Variants in EIF2AK3 observed in about 807,000 individuals in gnomAD.
The protein encoded by EIF2AK3 is eukaryotic translation initiation factor 2 alpha kinase 3.
Under a neutral mutation model 113.5 loss-of-function variants are expected in EIF2AK3, and 50 were observed. The observed-to-expected ratio is 0.44, with a 90% CI of 0.35 to 0.56. The LOEUF (loss-of-function observed/expected upper bound fraction) is 0.56. Ranked by LOEUF, EIF2AK3 falls within the 20% of genes least tolerant of loss-of-function variation. The pLI is 0.00. For missense variants in EIF2AK3, 1,185 were observed against 1,378.0 expected (o/e 0.86, Z 2.22); for synonymous variants, 448 against 495.4 (o/e 0.90, Z 1.27).
chr2:88,560,211 C>T (rs565754042), intron 15 of EIF2AK3, among the ~76,000 whole-genome samples: 20 of 152,192 alleles, frequency 1.3e-4, no homozygotes, highest in Admixed American at 5.2e-4. Context: ...TAATGCCCAA[C>T]GATGTTGAGC....
In EIF2AK3 at chr2:88,575,288, C is replaced by T. The variant is rs1674427760; in HGVS notation, c.2195G>A (p.Ser732Asn). Reference sequence around the variant, plus strand: ...TGGTGAGAACTGGCTCTCAGATGAACTTGTCTGGTCACAGGAAATCCCTAC... The same window carrying T: ...TGGTGAGAACTGGCTCTCAGATGAATTTGTCTGGTCACAGGAAATCCCTAC... ...FSVGISCDQT[S>N]SSESQFSPLE... The change falls in exon 13 of 17, where the codon AGT becomes AAT. Residue 732 changes from serine to asparagine, a missense_variant. By Grantham distance (46) the Ser-to-Asn change is conservative. Around this residue, in one of 3 missense-constraint regions of EIF2AK3, gnomAD observed 877 missense variants for 1,024.2 expected, o/e 0.86. Transcript: ENST00000303236. 1.2e-6 allele frequency: 2 copies of T among 1,614,050 alleles called. No individual in the cohort carries two copies. The highest frequency in any genetic ancestry group is 2.7e-5 in the African/African-American group (2 of 74,928).
At position 88,627,151 on chromosome 2, in the gene EIF2AK3, CCGCCGTCGG is replaced by C; in HGVS notation, c.115_123del (p.Pro39_Ala41del). 1 of 1,435,278 alleles carries C rather than the reference CCGCCGTCGG, an allele frequency of 7.0e-7. No individual in the cohort carries two copies. The highest frequency in any genetic ancestry group is 9.1e-7 in the Non-Finnish European group (1 of 1,102,226). The allele number at this position is 1,435,278 out of a possible 1,614,324, so 88.9% of individuals were successfully genotyped here. On this transcript the variant is annotated inframe_deletion, in exon 1 of 17. Coordinates refer to ENST00000303236, the MANE Select transcript of EIF2AK3 (RefSeq NM_004836.7). The stretch of plus-strand genomic sequence containing the variant: ...GCCGCCCCGAGGCCGAACGCCGCCT[CCGCCGTCGG>C]CGCTGGGAGGCCACGGGCGCGCCCC...
rs949513308 is a variant in EIF2AK3 at position 88,592,146 on chromosome 2, T to TA, written c.768-1095dup. On this transcript the variant is annotated intron_variant, in intron 4 of 16. Transcript: ENST00000303236. ...CAATTTAAAACTTAAATATTAGGTT[T>TA]AAAAAAAATCAAGCATTTGATGTAG... Among the ~76,000 whole-genome samples, 34 of 152,158 alleles carry TA rather than the reference T, an allele frequency of 2.2e-4. 1 individual carries two copies. The East Asian group carries it at 3.3e-3, about 15-fold the overall frequency.
rs1674417154 is a variant in EIF2AK3 at position 88,575,002 on chromosome 2, C to A, written c.2481G>T (p.Leu827Phe). 1 of 1,614,060 alleles carries A rather than the reference C, an allele frequency of 6.2e-7. No individual in the cohort carries two copies. Among genetic ancestry groups the A allele is most frequent in the Non-Finnish European group, 8.5e-7 (1 of 1,180,044 alleles). ...SSKEEPKTNR[L>F]HIGNHCANKL... ...TATTAGCACAATGGTTGCCAATATG[C>A]AATCGATTAGTTTTCGGCTCTTCTT... Residue 827 changes from leucine to phenylalanine, a missense_variant, in exon 13 of 17, where the codon TTG becomes TTT. Physicochemically the swap from Leu to Phe is conservative, Grantham distance 22. This residue lies in a region of EIF2AK3 where 877 missense variants were observed against 1,024.2 expected (regional missense o/e 0.86). Transcript: ENST00000303236.
Position 88,557,889 on chromosome 2 carries a change from A to G in EIF2AK3, c.3198T>C (p.Pro1066=), listed in dbSNP as rs1409822677. ...CATTTTCAATGATGTTTATAGCTTC[A>G]GGTCGTTCCATGGGGGATGGAGAGA... ...DMLSPSPMER[P]EAINIIENAV... is the part of the protein sequence containing the mutation. Residue 1066 remains proline, a synonymous_variant, in exon 17 of 17, where the codon CCT becomes CCC. Transcript: ENST00000303236. 2.5e-6 allele frequency: 4 copies of G among 1,614,162 alleles called. No individual in the cohort carries two copies.
At chr2:88,611,863 TCCGC>T (rs1675465185) in intron 2 of EIF2AK3, among the ~76,000 whole-genome samples, 1 of 152,120 alleles carries the variant, frequency 6.6e-6, no homozygotes, top group African/African-American at 2.4e-5. Flanking sequence ...GACCTTGTGA[TCCGC>T]CCGCCTCAGC....
rs929014046 is a variant in EIF2AK3, at chr2:88,593,310, T to G, written c.729A>C (p.Lys243Asn). 2 of 1,613,910 alleles carry G rather than the reference T, an allele frequency of 1.2e-6. No individual in the cohort carries two copies. Among genetic ancestry groups the G allele is most frequent in the Non-Finnish European group, 1.7e-6 (2 of 1,179,994 alleles). The stretch of plus-strand genomic sequence containing the variant: ...TGCGAGGTCCGACAGCTCTAACAGT[T>G]TTTTGGGTACGCTGTAGAAGCAGGA... Reference protein sequence around the residue: ...EDILLLQRTQKTVRAVGPRSG... With the variant: ...EDILLLQRTQNTVRAVGPRSG... The change falls in exon 4 of 17, where the codon AAA becomes AAC. Residue 243 changes from lysine (K) to asparagine (N), a missense_variant. Lys to Asn is a moderately conservative substitution (Grantham distance 94). Around this residue, in one of 3 missense-constraint regions of EIF2AK3, gnomAD observed 119 missense variants for 178.7 expected, o/e 0.67. Transcript: ENST00000303236.
At chr2:88,577,956 T>A (rs1275460520) in intron 11 of EIF2AK3, among the ~76,000 whole-genome samples, 1 of 152,188 alleles carries the variant, frequency 6.6e-6, no homozygotes, top group East Asian at 1.9e-4. Context: ...CTATTAATAT[T>A]TACTAAGATA....
In EIF2AK3 at chr2:88,627,324, C is replaced by T. The variant is rs1162593377; in HGVS notation, c.-50G>A. 4 of 1,439,896 alleles carry T rather than the reference C, an allele frequency of 2.8e-6. No homozygotes were observed. The South Asian group carries it at 4.0e-5, about 14-fold the overall frequency. 89.2% of individuals were successfully genotyped at this position (1,439,896 alleles called of 1,614,324 possible). A position where few individuals can be genotyped will look rare whatever the true frequency, so the allele number is the denominator to read the frequency against. Reference sequence around the variant, plus strand: ...ATGGAGGCGCAGCCACTGACGCCTGCCTCTCCCGCCGCTTGGAGCTCCCAA... The same window carrying T: ...ATGGAGGCGCAGCCACTGACGCCTGTCTCTCCCGCCGCTTGGAGCTCCCAA... On this transcript the variant is annotated 5_prime_UTR_variant, in exon 1 of 17. Coordinates refer to ENST00000303236, the MANE Select transcript of EIF2AK3 (RefSeq NM_004836.7).
chr2:88,588,226 A>G (rs1370145614), intron 7 of EIF2AK3, 122 bp from the exon 8 acceptor site: 6 of 650,388 alleles, frequency 9.2e-6, no homozygotes, highest in East Asian at 3.5e-5. Flanking sequence ...CAATTCAAAC[A>G]TATAAGTTAA....
intron 13 of EIF2AK3, among the ~76,000 whole-genome samples, chr2:88,571,956 T>A (rs964655934): frequency 5.9e-5 from 9 of 152,004 alleles, no homozygotes; most frequent in African/African-American, 1.9e-4. Context: ...TCCCTCAGAG[T>A]CTACTCTACT....
At position 88,556,804 on chromosome 2, in the gene EIF2AK3, A is replaced by C. The variant is rs1379103964; in HGVS notation, c.*932T>G. On this transcript the variant is annotated 3_prime_UTR_variant, in exon 17 of 17. Transcript: ENST00000303236. ...AAAGAAGTCACAAGTTAACACACTTAAGTGTGTTCTGTACACCACCAACCC... is the reference window on the plus strand; with the variant it reads ...AAAGAAGTCACAAGTTAACACACTTCAGTGTGTTCTGTACACCACCAACCC... 1 of 152,250 alleles carries C rather than the reference A, an allele frequency of 6.6e-6. No individual in the cohort carries two copies. The highest frequency in any genetic ancestry group is 1.5e-5 in the Non-Finnish European group (1 of 68,048). 9.4% of individuals were successfully genotyped at this position (152,250 alleles called of 1,614,324 possible). A position where few individuals can be genotyped will look rare whatever the true frequency, so the allele number is the denominator to read the frequency against.
At chr2:88,598,632 A>G (rs918922818) in intron 2 of EIF2AK3, among the ~76,000 whole-genome samples, 2 of 152,152 alleles carry the variant, frequency 1.3e-5, no homozygotes, top group Non-Finnish European at 2.9e-5. Context: ...GAAAAAAAAA[A>G]CTAGATTAAA....
At chr2:88,594,058 GCCT>G in intron 3 of EIF2AK3, 1 of 458,452 alleles carries the variant, frequency 2.2e-6, no homozygotes, top group Non-Finnish European at 2.9e-6. Context: ...GGATGGCATG[GCCT>G]CCTCAACACA....
intron 2 of EIF2AK3, among the ~76,000 whole-genome samples, chr2:88,597,032 G>A (rs1423724668): frequency 6.6e-6 from 1 of 152,192 alleles, no homozygotes; most frequent in African/African-American, 2.4e-5. Context: ...AGGAATACGA[G>A]AGAAGTAAGA....
chr2:88,587,260 G>A (rs1211194592), intron 8 of EIF2AK3, among the ~76,000 whole-genome samples: 2 of 144,346 alleles, frequency 1.4e-5, no homozygotes, highest in Admixed American at 1.4e-4. Context: ...CTAGTTCAGA[G>A]CCATTTTTTT....
In EIF2AK3 at chr2:88,615,137, C is replaced by G. The variant is rs1161700469; in HGVS notation, c.309-1284G>C. 2.6e-5 allele frequency among the ~76,000 whole-genome samples: 4 copies of G among 152,188 alleles called. No homozygotes were observed. The South Asian group carries it at 8.3e-4, about 32-fold the overall frequency. The stretch of plus-strand genomic sequence containing the variant: ...GCTTGTTTCCCCCTACCACCTCTAT[C>G]TATGCAACAGTACCTGGACCATGGG... On this transcript the variant is annotated intron_variant, in intron 1 of 16. Transcript: ENST00000303236.
chr2:88,578,877 TTTCTAA>T lies in EIF2AK3; in HGVS notation c.1886+635_1886+640del, dbSNP rs555397552. On this transcript the variant is annotated intron_variant, in intron 11 of 16. Transcript: ENST00000303236. ...AAAGGTTTTTTTTATGGTAAAGTTA[TTTCTAA>T]TTCTAACAAATTAGAAACCAAATTG... Among the ~76,000 whole-genome samples the T allele has an allele frequency of 2.1e-4, 32 of 152,328 alleles. No individual in the cohort carries two copies. The East Asian group carries it at 5.2e-3, about 25-fold the overall frequency.
intron 2 of EIF2AK3, among the ~76,000 whole-genome samples, chr2:88,613,227 T>G (rs1056002380): frequency 3.3e-5 from 5 of 152,172 alleles, no homozygotes; most frequent in African/African-American, 1.2e-4. Flanking sequence ...GAGCTCCAAA[T>G]TATTAAGTAC....
Sources: gnomAD v4.1 joint callset for allele counts (sites outside exome capture counted in the v4.1 genomes callset) on GRCh38, gnomAD v4.1.1 for gene constraint, gnomAD v4.1.1 regional missense constraint, MANE v1.5 for transcripts, NCBI Gene and HGNC (gene_info 2026-07-23, HGNC 2026-07-21) for gene names.